VAV3: variants seen among roughly 807,000 people sequenced by gnomAD.
VAV3 encodes guanine nucleotide exchange factor VAV3.
Under a neutral mutation model 131.2 loss-of-function variants are expected in VAV3, and 94 were observed. That is an observed-to-expected ratio of 0.72 (90% CI 0.61 to 0.85). The LOEUF (loss-of-function observed/expected upper bound fraction) is 0.85, where lower values mean the gene tolerates loss of function less well. VAV3 is among the 40% of genes least tolerant of loss of function. The pLI, the probability that VAV3 is intolerant of heterozygous loss-of-function variation, is 0.00. For missense variants in VAV3, 939 were observed against 1,002.7 expected, an observed-to-expected ratio of 0.94 and a Z score of 0.86; for synonymous variants, 349 against 342.0, an observed-to-expected ratio of 1.02 and a Z score of -0.22.
chr1:107,867,978 A>AG (rs1670079338), intron 2 of VAV3, among the ~76,000 whole-genome samples: 3 of 152,162 alleles, frequency 2.0e-5, no homozygotes, highest in African/African-American at 7.2e-5. Flanking sequence ...AAAATGCTAT[A>AG]GGGATGAAGG....
chr1:107,924,177 T>C (rs1673044413), intron 1 of VAV3, among the ~76,000 whole-genome samples: 1 of 152,190 alleles, frequency 6.6e-6, no homozygotes, highest in South Asian at 2.1e-4. Flanking sequence ...AGAATCTTAT[T>C]GGTGAGAAGT....
intron 2 of VAV3, among the ~76,000 whole-genome samples, chr1:107,816,582 C>A (rs1667570523): frequency 1.3e-5 from 2 of 152,204 alleles, no homozygotes; most frequent in Admixed American, 6.5e-5. Flanking sequence ...GCTAAATAGG[C>A]CTGCCTATAG....
chr1:107,798,159 C>T (rs1666642276), intron 2 of VAV3, among the ~76,000 whole-genome samples: 1 of 152,118 alleles, frequency 6.6e-6, no homozygotes, highest in Admixed American at 6.5e-5. Context: ...TGAACACAAA[C>T]CAACAAGGGA....
chr1:107,917,141 A>G (rs1672662688), intron 1 of VAV3, among the ~76,000 whole-genome samples: 1 of 152,202 alleles, frequency 6.6e-6, no homozygotes, highest in African/African-American at 2.4e-5. Context: ...ATCTACTGGT[A>G]GAGTCCTGCA....
chr1:107,805,538 C>T (rs924411194), intron 2 of VAV3, among the ~76,000 whole-genome samples: 2 of 152,128 alleles, frequency 1.3e-5, no homozygotes, highest in African/African-American at 4.8e-5. Context: ...TGTTAAATTT[C>T]TCTGGTAAAT....
At chr1:107,647,071 G>C (rs1160867563) in intron 19 of VAV3, among the ~76,000 whole-genome samples, 3 of 151,284 alleles carry the variant, frequency 2.0e-5, no homozygotes, top group African/African-American at 7.3e-5. Flanking sequence ...TCAATGAACT[G>C]AACAGCTAAT....
intron 1 of VAV3, among the ~76,000 whole-genome samples, chr1:107,901,725 A>G (rs997028673): frequency 6.6e-6 from 1 of 152,250 alleles, no homozygotes; most frequent in South Asian, 2.1e-4. Context: ...AATATTTATT[A>G]AATTGCTTAG....
At chr1:107,922,772 G>GA (rs1445046067) in intron 1 of VAV3, among the ~76,000 whole-genome samples, 1 of 151,214 alleles carries the variant, frequency 6.6e-6, no homozygotes, top group Non-Finnish European at 1.5e-5. Flanking sequence ...CTAACACAGT[G>GA]AAACCCCGCC....
intron 1 of VAV3, among the ~76,000 whole-genome samples, chr1:107,905,934 T>A (rs2101102290): frequency 6.6e-6 from 1 of 152,286 alleles, no homozygotes; most frequent in South Asian, 2.1e-4. Context: ...AAAGCTGGTA[T>A]TTGTAGAATT....
chr1:107,693,817 GAGACAGACACC>G (rs1372403430), intron 17 of VAV3, among the ~76,000 whole-genome samples: 2 of 152,196 alleles, frequency 1.3e-5, no homozygotes, highest in Admixed American at 1.3e-4. Context: ...AACAGGGGTA[GAGACAGACACC>G]AAATAGTCCA....
chr1:107,713,809 AT>A (rs544752818), intron 15 of VAV3, among the ~76,000 whole-genome samples: 159 of 152,224 alleles, frequency 1.0e-3, no homozygotes, highest in African/African-American at 3.8e-3. Flanking sequence ...AGTAAAACCA[AT>A]TCTATGAGGG....
At chr1:107,807,042 T>G (rs890071496) in intron 2 of VAV3, among the ~76,000 whole-genome samples, 2 of 152,188 alleles carry the variant, frequency 1.3e-5, no homozygotes, top group Non-Finnish European at 2.9e-5. Flanking sequence ...CAGATGCTTT[T>G]TTCCTCATGT....
At chr1:107,842,045 T>C (rs544648201) in intron 2 of VAV3, among the ~76,000 whole-genome samples, 71 of 152,300 alleles carry the variant, frequency 4.7e-4, no homozygotes, top group African/African-American at 1.6e-3. Flanking sequence ...AATTTTTCTA[T>C]ACTACCATTG....
At chr1:107,781,894 T>G (rs941728581) in intron 2 of VAV3, among the ~76,000 whole-genome samples, 5 of 152,138 alleles carry the variant, frequency 3.3e-5, no homozygotes, top group East Asian at 1.9e-4. Flanking sequence ...ACTAATAAAT[T>G]TATCAAAAAT....
chr1:107,834,419 C>T (rs1668382967), intron 2 of VAV3, among the ~76,000 whole-genome samples: 1 of 151,982 alleles, frequency 6.6e-6, no homozygotes, highest in South Asian at 2.1e-4. Context: ...TGCATAAAAT[C>T]AGTAAGGACA....
chr1:107,837,718 C>G (rs1221579570), intron 2 of VAV3, among the ~76,000 whole-genome samples: 1 of 152,058 alleles, frequency 6.6e-6, no homozygotes, highest in Non-Finnish European at 1.5e-5. Flanking sequence ...GAATACAGAA[C>G]CAATAAATAA....
intron 15 of VAV3, among the ~76,000 whole-genome samples, chr1:107,709,968 T>C (rs1181795047): frequency 6.6e-6 from 1 of 152,228 alleles, no homozygotes; most frequent in Non-Finnish European, 1.5e-5. Context: ...ATCGTACTCA[T>C]ACATATATTT....
chr1:107,731,899 T>C (rs189001902), intron 15 of VAV3, among the ~76,000 whole-genome samples: 123 of 152,350 alleles, frequency 8.1e-4, no homozygotes, highest in African/African-American at 2.9e-3. Context: ...AAAACAACTA[T>C]GACAAATCAG....
chr1:107,665,081 G>C (rs186494298), intron 19 of VAV3, among the ~76,000 whole-genome samples: 2 of 152,268 alleles, frequency 1.3e-5, no homozygotes. Flanking sequence ...AAGTAGGAGA[G>C]GCCATGCTGT....
Sources: gnomAD v4.1 joint callset for allele counts (sites outside exome capture counted in the v4.1 genomes callset) on GRCh38, gnomAD v4.1.1 for gene constraint, MANE v1.5 for transcripts, NCBI Gene and HGNC (gene_info 2026-07-23, HGNC 2026-07-21) for gene names.